Variants in ELFN2 observed in about 807,000 individuals in gnomAD.
The protein encoded by ELFN2 is protein phosphatase 1 regulatory subunit 29.
Under a neutral mutation model 45.5 loss-of-function variants are expected in ELFN2, and 17 were observed. The ratio of observed to expected loss-of-function variants is 0.37; its 90% confidence interval spans 0.26 to 0.56. The LOEUF (loss-of-function observed/expected upper bound fraction) is 0.56, where lower values mean the gene tolerates loss of function less well. Among genes scored for constraint, ELFN2 ranks in the 20% least tolerant of loss-of-function variants. ELFN2 has a pLI of 0.77. For missense variants in ELFN2, 922 were observed against 1,183.2 expected (o/e 0.78, Z 3.24); for synonymous variants, 550 against 551.5 (o/e 1.00, Z 0.04).
intron 2 of ELFN2, among the ~76,000 whole-genome samples, chr22:37,379,426 T>C (rs767508587): frequency 1.3e-5 from 2 of 152,078 alleles, no homozygotes; most frequent in Non-Finnish European, 2.9e-5. Context: ...CAAGCAGGCA[T>C]TGGGGGGTGG....
At chr22:37,392,592 A>G (rs2145660505) in intron 2 of ELFN2, among the ~76,000 whole-genome samples, 1 of 152,304 alleles carries the variant, frequency 6.6e-6, no homozygotes, top group Non-Finnish European at 1.5e-5. Flanking sequence ...TGCTGGGATT[A>G]CAGGTGTAAG....
intron 1 of ELFN2, among the ~76,000 whole-genome samples, chr22:37,355,366 C>T (rs377493332): frequency 7.9e-5 from 12 of 152,228 alleles, no homozygotes; most frequent in Non-Finnish European, 1.5e-4. Flanking sequence ...AGGCCACCTG[C>T]GGGCCCTCCC....
intron 1 of ELFN2, among the ~76,000 whole-genome samples, chr22:37,419,699 A>C (rs1268598175): frequency 6.6e-6 from 1 of 152,096 alleles, no homozygotes; most frequent in Non-Finnish European, 1.5e-5. Context: ...GCATGCCCAC[A>C]CACAGGGAAC....
At chr22:37,349,905 C>T (rs1191070858) in intron 1 of ELFN2, among the ~76,000 whole-genome samples, 2 of 151,186 alleles carry the variant, frequency 1.3e-5, no homozygotes, top group Non-Finnish European at 3.0e-5. Context: ...AGCCAGCGTT[C>T]CCTGAGGACA....
intron 2 of ELFN2, among the ~76,000 whole-genome samples, chr22:37,408,669 G>T (rs1184046519): frequency 6.6e-6 from 1 of 152,206 alleles, no homozygotes; most frequent in African/African-American, 2.4e-5. Context: ...GCCTTCCAGG[G>T]ATTGCCAAGG....
chr22:37,410,357 C>G (rs1239222832), intron 2 of ELFN2, among the ~76,000 whole-genome samples: 1 of 152,234 alleles, frequency 6.6e-6, no homozygotes, highest in Non-Finnish European at 1.5e-5. Flanking sequence ...CACCCTCAGC[C>G]TGGCCACTCA....
At chr22:37,342,431 C>T (rs537536433) in intron 2 of ELFN2, among the ~76,000 whole-genome samples, 88 of 152,112 alleles carry the variant, frequency 5.8e-4, no homozygotes, top group Non-Finnish European at 9.3e-4. Context: ...GAGGGCCATT[C>T]CAGGCAGAGG....
chr22:37,375,091 G>A lies in ELFN2; in HGVS notation c.444C>T (p.Ser148=), dbSNP rs374762026. The A allele has an allele frequency of 2.8e-5, 45 of 1,613,698 alleles. No homozygotes were observed. The highest frequency in any genetic ancestry group is 8.0e-5 in the African/African-American group (6 of 75,036). ...CGATGCTGATGAGGCTCGGGCACTC[G>A]GAGAAGGCGGTGGGCGTCACCACCT... ...LIEVVTPTAF[S]ECPSLISIDL... Residue 148 remains serine, a synonymous_variant, in exon 3 of 3, where the codon TCC becomes TCT. Transcript: ENST00000402918.
chr22:37,359,726 G>A (rs529039168), intron 1 of ELFN2, among the ~76,000 whole-genome samples: 5 of 152,344 alleles, frequency 3.3e-5, no homozygotes, highest in African/African-American at 9.6e-5. Flanking sequence ...CAGGGCAGAC[G>A]AGCCCCAGAC....
intron 1 of ELFN2, chr22:37,418,827 C>G (rs988507504): frequency 6.6e-6 from 1 of 152,500 alleles, no homozygotes; most frequent in African/African-American, 2.4e-5. Context: ...CCCACCTTCC[C>G]GCCACATGGG....
intron 1 of ELFN2, among the ~76,000 whole-genome samples, chr22:37,348,068 C>T (rs1321115098): frequency 2.0e-5 from 3 of 152,240 alleles, no homozygotes; most frequent in Non-Finnish European, 2.9e-5. Context: ...GGGCTCTAAG[C>T]CTTCTCCTCT....
chr22:37,359,466 T>C (rs1931029172), intron 1 of ELFN2, among the ~76,000 whole-genome samples: 1 of 152,244 alleles, frequency 6.6e-6, no homozygotes, highest in South Asian at 2.1e-4. Flanking sequence ...CTATTTCTTT[T>C]GACCAAAGCA....
chr22:37,391,337 GC>G (rs1306178167), intron 2 of ELFN2, among the ~76,000 whole-genome samples: 1 of 152,106 alleles, frequency 6.6e-6, no homozygotes, highest in Non-Finnish European at 1.5e-5. Flanking sequence ...TAAACCCAGG[GC>G]CCGGCACCGT....
intron 2 of ELFN2, among the ~76,000 whole-genome samples, chr22:37,398,760 T>TACACATGTCATGTGTGCACACATGTGC (rs1202921411): frequency 2.6e-5 from 4 of 151,614 alleles, no homozygotes; most frequent in Middle Eastern, 3.2e-3. Context: ...CACACGCATC[T>TACACATGTCATGTGTGCACACATGTGC]ACACATGTCA....
At chr22:37,341,475 A>C (rs1206778910) in intron 2 of ELFN2, among the ~76,000 whole-genome samples, 3 of 152,172 alleles carry the variant, frequency 2.0e-5, no homozygotes, top group African/African-American at 4.8e-5. Context: ...GAAGGTCTAA[A>C]GCACTGGGTC....
rs949080802 is a variant in ELFN2 at position 37,417,828 on chromosome 22, G to A, written c.-522C>T. The A allele has an allele frequency of 3.3e-5, 5 of 153,144 alleles. No homozygotes were observed. The highest frequency in any genetic ancestry group is 1.3e-4 in the Admixed American group (2 of 15,298). The allele number at this position is 153,144 out of a possible 1,614,324, so 9.5% of individuals were successfully genotyped here. On this transcript the variant is annotated 5_prime_UTR_variant, in exon 2 of 3. Transcript: ENST00000402918. This position sits in a 1 kb window ranked among gnomAD's most constrained non-coding sequence, Gnocchi z 4.5. ...TGTCCCCAACCTGGGTCTCAGAAAGGTTCCCCAGGCAGCAGCGGCAGCAGT... is the reference window on the plus strand; with the variant it reads ...TGTCCCCAACCTGGGTCTCAGAAAGATTCCCCAGGCAGCAGCGGCAGCAGT...
rs138382861 is a variant in ELFN2, at chr22:37,371,762, C to T, written c.*1310G>A. ...CGAACCCAGCCTGCTCCTCAACCCTCTCTCGGGTGGGGGCCTCACTGTTTG... is the reference window on the plus strand; with the variant it reads ...CGAACCCAGCCTGCTCCTCAACCCTTTCTCGGGTGGGGGCCTCACTGTTTG... On this transcript the variant is annotated 3_prime_UTR_variant, in exon 3 of 3. Coordinates refer to ENST00000402918, the MANE Select transcript of ELFN2 (RefSeq NM_052906.5). The surrounding 1 kb of genome is among the most constrained non-coding windows in gnomAD (Gnocchi z 6.4). 6.6e-6 allele frequency: 1 copy of T among 152,666 alleles called. No homozygotes were observed. Among genetic ancestry groups the T allele is most frequent in the East Asian group, 1.9e-4 (1 of 5,168 alleles). The allele number at this position is 152,666 out of a possible 1,614,324, so 9.5% of individuals were successfully genotyped here. A position where few individuals can be genotyped will look rare whatever the true frequency, so the allele number is the denominator to read the frequency against.
At chr22:37,405,666 G>GAT (rs1330527594) in intron 2 of ELFN2, among the ~76,000 whole-genome samples, 2 of 152,126 alleles carry the variant, frequency 1.3e-5, no homozygotes, top group African/African-American at 4.8e-5. Flanking sequence ...ACCACCACGT[G>GAT]ATCGCAGGAT....
intron 2 of ELFN2, among the ~76,000 whole-genome samples, chr22:37,410,831 A>G (rs6000723): frequency 0.25 from 37,480 of 152,104 alleles, 7,701 homozygotes; most frequent in African/African-American, 0.57. Flanking sequence ...TCCAAAGCCC[A>G]TCGGCTCCTT....
Sources: allele counts gnomAD v4.1 joint callset (sites outside exome capture counted in the v4.1 genomes callset), GRCh38; gene constraint gnomAD v4.1.1; non-coding constraint Gnocchi (gnomAD v3.1); transcripts MANE v1.5; gene names NCBI Gene and HGNC (gene_info 2026-07-23, HGNC 2026-07-21).